CLEC17A: variants seen among roughly 807,000 people sequenced by gnomAD.
The protein encoded by CLEC17A is C-type lectin domain family 17, member A.
CLEC17A carries 37 observed loss-of-function variants against 61.3 expected under a neutral mutation model. The observed-to-expected ratio is 0.60, with a 90% CI of 0.46 to 0.79. The LOEUF (loss-of-function observed/expected upper bound fraction) is 0.79, where lower values mean the gene tolerates loss of function less well. Among genes scored for constraint, CLEC17A ranks in the 30% least tolerant of loss-of-function variants. CLEC17A has a pLI of 0.00. For missense variants in CLEC17A, 418 were observed against 464.7 expected, an observed-to-expected ratio of 0.90 and a Z score of 0.92; for synonymous variants, 168 against 164.9, an observed-to-expected ratio of 1.02 and a Z score of -0.14.
chr19:14,590,852 GT>G (rs1267436211), intron 3 of CLEC17A, among the ~76,000 whole-genome samples: 2 of 147,378 alleles, frequency 1.4e-5, no homozygotes, highest in East Asian at 4.0e-4. Context: ...TGCCTGGATG[GT>G]TTTTTCTAAT....
At chr19:14,581,301 G>A (rs1045487495), upstream of CLEC17A, among the ~76,000 whole-genome samples, 4 of 152,030 alleles carry the variant, frequency 2.6e-5, no homozygotes, top group East Asian at 3.9e-4. Context: ...TGAGTGACTC[G>A]GAACCACAGA....
chr19:14,605,417 T>C (rs747147750), intron 12 of CLEC17A, among the ~76,000 whole-genome samples: 23 of 152,158 alleles, frequency 1.5e-4, no homozygotes, highest in Non-Finnish European at 3.2e-4. Context: ...TTTTAAGGAA[T>C]CTTGGTTTGG....
intron 13 of CLEC17A, among the ~76,000 whole-genome samples, chr19:14,607,725 C>T (rs942027122): frequency 2.0e-5 from 3 of 151,632 alleles, no homozygotes; most frequent in African/African-American, 4.8e-5. Flanking sequence ...TACAGACACC[C>T]GCCGTCGTGC....
chr19:14,589,034 C>T (rs1422112587), intron 3 of CLEC17A, among the ~76,000 whole-genome samples: 3 of 151,504 alleles, frequency 2.0e-5, no homozygotes, highest in African/African-American at 7.3e-5. Flanking sequence ...ACGTCTGCTC[C>T]AAAAGCACAG....
At chr19:14,590,983 C>A (rs1685384494) in intron 3 of CLEC17A, among the ~76,000 whole-genome samples, 1 of 151,874 alleles carries the variant, frequency 6.6e-6, no homozygotes, top group Non-Finnish European at 1.5e-5. Flanking sequence ...TAGGCATGAG[C>A]CACTGCGCCC....
chr19:14,597,299 T>C, intron 10 of CLEC17A, 138 bp downstream of exon 10: 2 of 751,114 alleles, frequency 2.7e-6, no homozygotes, highest in Admixed American at 4.3e-5. Context: ...ATGGTAAACA[T>C]GTCAGACACA....
At chr19:14,598,304 T>TTCTTTCTTTCTCTCTC (rs1555746763) in intron 10 of CLEC17A, among the ~76,000 whole-genome samples, 2 of 149,218 alleles carry the variant, frequency 1.3e-5, no homozygotes, top group African/African-American at 4.9e-5. Context: ...TGTTCTTTCT[T>TTCTTTCTTTCTCTCTC]TCTCTCTCTC....
chr19:14,594,033 A>G (rs2074486341), intron 4 of CLEC17A, among the ~76,000 whole-genome samples: 1 of 152,064 alleles, frequency 6.6e-6, no homozygotes, highest in Non-Finnish European at 1.5e-5. Flanking sequence ...CTGTAATCCC[A>G]GCACTTTGGG....
intron 12 of CLEC17A, among the ~76,000 whole-genome samples, chr19:14,605,071 G>A (rs536534608): frequency 1.3e-5 from 2 of 151,924 alleles, no homozygotes; most frequent in South Asian, 4.2e-4. Flanking sequence ...GGTGGCTCAC[G>A]CCTGTAATCC....
In CLEC17A at chr19:14,611,666, G is replaced by A. The variant is rs757403227; in HGVS notation, c.*1470G>A. Among the ~76,000 whole-genome samples the A allele has an allele frequency of 6.6e-6, 1 of 152,120 alleles. No individual in the cohort carries two copies. The highest frequency in any genetic ancestry group is 1.5e-5 in the Non-Finnish European group (1 of 68,022). ...ACGATGGACCTATCTGCCAGCACGT[G>A]CCCTTGAGCTATCTGTGGGTTGTAA... On this transcript the variant is annotated 3_prime_UTR_variant, in exon 14 of 14. Coordinates refer to ENST00000417570, the MANE Select transcript of CLEC17A (RefSeq NM_001204118.2).
chr19:14,589,626 A>G (rs1313141840), intron 3 of CLEC17A, among the ~76,000 whole-genome samples: 2 of 89,874 alleles, frequency 2.2e-5, no homozygotes, highest in Non-Finnish European at 2.0e-5. Context: ...GTCTACATAT[A>G]TGACTCATAT....
intron 7 of CLEC17A, among the ~76,000 whole-genome samples, 166 bp downstream of exon 7, chr19:14,594,966 G>C (rs1486808430): frequency 6.6e-6 from 1 of 152,120 alleles, no homozygotes; most frequent in Non-Finnish European, 1.5e-5. Context: ...CTGCCTCCTG[G>C]GTTCAAGTGA....
At chr19:14,583,510 T>A in intron 2 of CLEC17A, 76 bp downstream of exon 2, 1 of 1,592,176 alleles carries the variant, frequency 6.3e-7, no homozygotes, top group Non-Finnish European at 8.6e-7. Flanking sequence ...TTGGGCATTG[T>A]AGACACATAG....
At chr19:14,591,706 A>G (rs1444742697) in intron 3 of CLEC17A, among the ~76,000 whole-genome samples, 1 of 151,904 alleles carries the variant, frequency 6.6e-6, no homozygotes, top group African/African-American at 2.4e-5. Flanking sequence ...GGCTTGCACC[A>G]TCATGCCTGG....
chr19:14,595,901 G>A (rs1002560532), intron 8 of CLEC17A, among the ~76,000 whole-genome samples: 1 of 14,720 alleles, frequency 6.8e-5, no homozygotes, highest in African/African-American at 2.4e-4. Context: ...GATAGTGGTG[G>A]TAGTGATGGT....
At chr19:14,596,218 T>C (rs11671501) in intron 8 of CLEC17A, among the ~76,000 whole-genome samples, 40,527 of 151,716 alleles carry the variant, frequency 0.27, 5,635 homozygotes, top group Non-Finnish European at 0.3. Flanking sequence ...GCATCATAGA[T>C]ATTAAGAACA....
At position 14,607,359 on chromosome 19, in the gene CLEC17A, A is replaced by G. The variant is rs190404734; in HGVS notation, c.1004+257A>G. ...GCTGGGACTACAGGTGCCCATCACCATGCCCGGCTAATTTTTTGTATTTTT... is the reference window on the plus strand; with the variant it reads ...GCTGGGACTACAGGTGCCCATCACCGTGCCCGGCTAATTTTTTGTATTTTT... On this transcript the variant is annotated intron_variant, in intron 13 of 13. Transcript: ENST00000417570. Among the ~76,000 whole-genome samples the G allele has an allele frequency of 1.6e-3, 213 of 134,142 alleles. 2 individuals carry two copies. The highest frequency in any genetic ancestry group is 7.3e-3 in the Middle Eastern group (2 of 274). The allele number at this position is 134,142 out of a possible 152,430, so 88.0% of individuals were successfully genotyped here.
intron 12 of CLEC17A, among the ~76,000 whole-genome samples, chr19:14,602,860 C>T (rs776506257): frequency 9.2e-5 from 14 of 152,150 alleles, no homozygotes; most frequent in South Asian, 2.1e-4. Context: ...CTCAACCTCC[C>T]GAGTAGCTGG....
In CLEC17A at chr19:14,591,443, C is replaced by T. The variant is rs564375278; in HGVS notation, c.200-838C>T. ...TGCTGGGATTACAGGCGTGAGCCACCGCGCCTGGCCCTTTTTTTTGAGACA... is the reference window on the plus strand; with the variant it reads ...TGCTGGGATTACAGGCGTGAGCCACTGCGCCTGGCCCTTTTTTTTGAGACA... On this transcript the variant is annotated intron_variant, in intron 3 of 13. Transcript: ENST00000417570. 4.7e-5 allele frequency among the ~76,000 whole-genome samples: 7 copies of T among 148,554 alleles called. No individual in the cohort carries two copies. In the South Asian group the frequency reaches 1.1e-3, roughly 23 times the overall value.
Sources: gnomAD v4.1 joint callset for allele counts (sites outside exome capture counted in the v4.1 genomes callset) on GRCh38, gnomAD v4.1.1 for gene constraint, MANE v1.5 for transcripts, NCBI Gene and HGNC (gene_info 2026-07-23, HGNC 2026-07-21) for gene names.